The following LRBA variants were observed in gnomAD, a reference collection of about 807,000 sequenced individuals.
The protein encoded by LRBA is LPS responsive beige-like anchor protein.
In LRBA, 176 loss-of-function variants were observed where a neutral mutation model predicts 330.0. The ratio of observed to expected loss-of-function variants is 0.53; its 90% CI spans 0.47 to 0.60. LRBA has a LOEUF of 0.60. Ranked by LOEUF, LRBA falls within the 20% of genes least tolerant of loss-of-function variation. The probability of loss-of-function intolerance (pLI) is 0.00; values close to 1 mark genes in which losing one functional copy is unlikely to be tolerated. For synonymous variants in LRBA, 1,230 were observed against 1,193.0 expected (o/e 1.03, Z -0.64); for missense variants, 3,259 against 3,444.8 (o/e 0.95, Z 1.35).
chr4:150,821,033 C>T (rs1745358275), intron 30 of LRBA, among the ~76,000 whole-genome samples: 1 of 152,044 alleles, frequency 6.6e-6, no homozygotes, highest in South Asian at 2.1e-4. Context: ...ACATGACAGA[C>T]AATGTGCTAG....
Position 150,819,476 on chromosome 4 carries a change from T to G in LRBA, c.5172-2219A>C, listed in dbSNP as rs537916476. On this transcript the variant is annotated intron_variant, in intron 30 of 56. Coordinates refer to ENST00000651943, the MANE Select transcript of LRBA (RefSeq NM_001364905.1). Reference sequence around the variant, plus strand: ...GAGAGCTGCATGCTGGCTGAAATATTTAAGAGTGAAGTGAACTGATGTCTA... The same window carrying G: ...GAGAGCTGCATGCTGGCTGAAATATGTAAGAGTGAAGTGAACTGATGTCTA... Among the ~76,000 whole-genome samples the G allele has an allele frequency of 4.3e-4, 65 of 152,046 alleles. 1 individual carries two copies. In the South Asian group the frequency reaches 0.013, roughly 30 times the overall value.
chr4:150,774,563 C>T (rs1429939897), intron 34 of LRBA, among the ~76,000 whole-genome samples: 4 of 152,146 alleles, frequency 2.6e-5, no homozygotes, highest in African/African-American at 9.7e-5. Flanking sequence ...AGCCTGTGTG[C>T]CCACAGCTCT....
chr4:151,013,235 T>A (rs1745056511), intron 2 of LRBA: 1 of 152,220 alleles, frequency 6.6e-6, no homozygotes. Context: ...ACTGCATGTT[T>A]ATATTTGGTC....
intron 41 of LRBA, among the ~76,000 whole-genome samples, chr4:150,489,670 TATATATTATATATAAGA>T (rs1239894969): frequency 8.0e-6 from 1 of 124,682 alleles, no homozygotes; most frequent in Non-Finnish European, 1.6e-5. Flanking sequence ...TATATAAGAA[TATATATTATATATAAGA>T]ATATATTATA....
In LRBA at chr4:150,321,406, C is replaced by A; in HGVS notation, c.7453-38G>T. 4 of 1,488,688 alleles carry A rather than the reference C, an allele frequency of 2.7e-6. No homozygotes were observed. The highest frequency in any genetic ancestry group is 3.6e-6 in the Non-Finnish European group (4 of 1,119,502). 92.2% of individuals were successfully genotyped at this position (1,488,688 alleles called of 1,614,324 possible). On this transcript the variant is annotated intron_variant, in intron 49 of 56. Coordinates refer to ENST00000651943, the MANE Select transcript of LRBA (RefSeq NM_001364905.1). The surrounding 1 kb of genome is among the most constrained non-coding windows in gnomAD (Gnocchi z 4.5). ...ATACTGTTGAGTGGGCATGACAAGA[C>A]CCAAATAGACAAGAAGGAAAAGATG...
At chr4:150,414,416 T>C (rs1223337738) in intron 47 of LRBA, among the ~76,000 whole-genome samples, 2 of 152,238 alleles carry the variant, frequency 1.3e-5, no homozygotes, top group East Asian at 3.8e-4. Context: ...ACATGTGAAG[T>C]AAAAACAATG....
At chr4:150,906,165 A>G in intron 12 of LRBA, 132 bp downstream of exon 12, 1 of 796,046 alleles carries the variant, frequency 1.3e-6, no homozygotes, top group South Asian at 1.8e-5. Context: ...AAACAACAAA[A>G]TGTTATTTTA....
At chr4:150,782,065 C>G (rs933733631) in intron 34 of LRBA, among the ~76,000 whole-genome samples, 1 of 152,182 alleles carries the variant, frequency 6.6e-6, no homozygotes, top group Admixed American at 6.5e-5. Flanking sequence ...CACCATCGTG[C>G]CCAGCTAATT....
At chr4:150,269,761 C>A (rs1247559837) in intron 56 of LRBA, among the ~76,000 whole-genome samples, 2 of 152,100 alleles carry the variant, frequency 1.3e-5, no homozygotes, top group African/African-American at 4.8e-5. Context: ...CCAGCCTGGG[C>A]AACATAGTGA....
intron 17 of LRBA, among the ~76,000 whole-genome samples, chr4:150,876,880 G>A (rs552346660): frequency 1.5e-4 from 23 of 152,032 alleles, no homozygotes; most frequent in Non-Finnish European, 3.2e-4. Context: ...GAGTGTAAAT[G>A]GTCTAAATGC....
chr4:150,324,029 A>T (rs1732906577), intron 49 of LRBA, among the ~76,000 whole-genome samples: 1 of 152,174 alleles, frequency 6.6e-6, no homozygotes, highest in South Asian at 2.1e-4. Context: ...CAATTTGTGC[A>T]AGTCTGAAGA....
At chr4:150,641,207 A>G (rs1778647733) in intron 37 of LRBA, among the ~76,000 whole-genome samples, 1 of 152,174 alleles carries the variant, frequency 6.6e-6, no homozygotes, top group Admixed American at 6.5e-5. Flanking sequence ...AATATAATTA[A>G]TTATATGCTT....
chr4:150,322,548 T>C (rs905657746), intron 49 of LRBA, among the ~76,000 whole-genome samples: 5 of 152,234 alleles, frequency 3.3e-5, no homozygotes, highest in Non-Finnish European at 7.3e-5. Context: ...TTAACACATA[T>C]TTATTCAGAA....
chr4:150,700,975 G>C (rs1785064411), intron 36 of LRBA, among the ~76,000 whole-genome samples: 1 of 152,158 alleles, frequency 6.6e-6, no homozygotes, highest in East Asian at 1.9e-4. Flanking sequence ...GCCCAAGCTG[G>C]TCTCAAACTC....
chr4:150,643,828 T>C (rs1778896611), intron 37 of LRBA, among the ~76,000 whole-genome samples: 1 of 152,006 alleles, frequency 6.6e-6, no homozygotes, highest in African/African-American at 2.4e-5. Flanking sequence ...GTGAAAATTA[T>C]ATAAAATTCA....
intron 42 of LRBA, among the ~76,000 whole-genome samples, chr4:150,472,779 C>T (rs2152070012): frequency 6.6e-6 from 1 of 152,196 alleles, no homozygotes; most frequent in Middle Eastern, 3.4e-3. Context: ...TTTCACTAAA[C>T]ATAATGTCTT....
chr4:150,812,717 A>G (rs896214010), intron 31 of LRBA, among the ~76,000 whole-genome samples: 2 of 152,204 alleles, frequency 1.3e-5, no homozygotes, highest in Non-Finnish European at 2.9e-5. Flanking sequence ...TGATAAACAG[A>G]TACTGTCTAA....
Position 150,900,114 on chromosome 4 carries a change from G to T in LRBA, c.1859C>A (p.Thr620Lys). 6.2e-7 allele frequency: 1 copy of T among 1,612,830 alleles called. No homozygotes were observed. The highest frequency in any genetic ancestry group is 8.5e-7 in the Non-Finnish European group (1 of 1,178,906). ...RVGTVLLIMH[T>K]LKYYYWAVNP... The stretch of plus-strand genomic sequence containing the variant: ...CACTGCCCAGTAGTAGTACTTCAGC[G>T]TGTGCATGATGAGAAGCACTGTTCC... Residue 620 changes from threonine (T) to lysine (K), a missense_variant, in exon 14 of 57, where the codon ACG (threonine) becomes AAG (lysine). Thr to Lys is a moderately conservative substitution (Grantham distance 78). Transcript: ENST00000651943.
intron 30 of LRBA, among the ~76,000 whole-genome samples, chr4:150,819,904 G>A (rs949766121): frequency 5.3e-5 from 8 of 151,880 alleles, no homozygotes; most frequent in African/African-American, 1.2e-4. Flanking sequence ...TCAGAAGTAC[G>A]GCTTTCTACA....
Sources: gnomAD v4.1 joint callset for allele counts (sites outside exome capture counted in the v4.1 genomes callset) on GRCh38, gnomAD v4.1.1 for gene constraint, Gnocchi (gnomAD v3.1) non-coding constraint, MANE v1.5 for transcripts, NCBI Gene and HGNC (gene_info 2026-07-23, HGNC 2026-07-21) for gene names.